The following TMEM132D variants were observed in gnomAD, a reference collection of about 807,000 sequenced individuals.
TMEM132D encodes mature OL transmembrane protein.
TMEM132D carries 21 observed loss-of-function variants against 62.3 expected under a neutral mutation model. That is an observed-to-expected ratio of 0.34 (90% confidence interval 0.24 to 0.49). The LOEUF is 0.49. Ranked by LOEUF, TMEM132D falls within the 20% of genes least tolerant of loss-of-function variation. The pLI is 0.99. For synonymous variants in TMEM132D, 621 were observed against 575.6 expected (o/e 1.08, Z -1.13); for missense variants, 1,346 against 1,402.8 (o/e 0.96, Z 0.65).
intron 3 of TMEM132D, among the ~76,000 whole-genome samples, chr12:129,358,060 T>A (rs1324699474): frequency 6.6e-6 from 1 of 152,228 alleles, no homozygotes; most frequent in Non-Finnish European, 1.5e-5. Flanking sequence ...ATCCTTTTAA[T>A]GTACGTACTT....
chr12:129,612,627 A>AAT (rs139569987), intron 2 of TMEM132D, among the ~76,000 whole-genome samples: 33,157 of 149,802 alleles, frequency 0.22, 4,132 homozygotes, highest in East Asian at 0.41. Context: ...TTCTTTTTAA[A>AAT]ATATATATAT....
intron 2 of TMEM132D, among the ~76,000 whole-genome samples, chr12:129,587,761 A>C (rs1878070913): frequency 6.6e-6 from 1 of 152,366 alleles, no homozygotes; most frequent in East Asian, 1.9e-4. Context: ...TGTCACCACA[A>C]AGTATGACAA....
rs953330763 is a variant in TMEM132D, at chr12:129,371,518, GTGATTATGATGA to G, written c.1116-33713_1116-33702del. On this transcript the variant is annotated intron_variant, in intron 3 of 8. Coordinates refer to ENST00000422113, the MANE Select transcript of TMEM132D (RefSeq NM_133448.3). The surrounding 1 kb of genome is among the most constrained non-coding windows in gnomAD (Gnocchi z 4.3). ...GATGACAGTGGCAATGATAATGGTG[GTGATTATGATGA>G]TGATTATGATGATGATGATGATGAT... 1.3e-5 allele frequency among the ~76,000 whole-genome samples: 2 copies of G among 151,918 alleles called. No individual in the cohort carries two copies. The highest frequency in any genetic ancestry group is 2.4e-5 in the African/African-American group (1 of 41,434).
At chr12:129,454,042 G>A (rs1180699019) in intron 3 of TMEM132D, among the ~76,000 whole-genome samples, 1 of 152,154 alleles carries the variant, frequency 6.6e-6, no homozygotes, top group African/African-American at 2.4e-5. Flanking sequence ...TTCATGTTAT[G>A]GCACCACTTG....
chr12:129,796,655 C>T (rs1871570299), intron 1 of TMEM132D, among the ~76,000 whole-genome samples: 1 of 152,116 alleles, frequency 6.6e-6, no homozygotes, highest in African/African-American at 2.4e-5. Context: ...CGTGCGTTCT[C>T]ACTCATAAGG....
rs1363314421 is a variant in TMEM132D at position 129,244,396 on chromosome 12, A to AC, written c.1300-34734_1300-34733insG. Among the ~76,000 whole-genome samples the AC allele has an allele frequency of 1.6e-3, 145 of 88,606 alleles. 1 individual carries two copies. Among genetic ancestry groups the AC allele is most frequent in the East Asian group, 5.3e-3 (16 of 3,022 alleles). The allele number at this position is 88,606 out of a possible 152,430, so 58.1% of individuals were successfully genotyped here. A position where few individuals can be genotyped will look rare whatever the true frequency, so the allele number is the denominator to read the frequency against. On this transcript the variant is annotated intron_variant, in intron 4 of 8. Transcript: ENST00000422113. Reference sequence around the variant, plus strand: ...GCGAGACTCTGTCTCAAAAAAAAAAAAAAAAAAAAAAAACAAACAAAAAGG... The same window carrying AC: ...GCGAGACTCTGTCTCAAAAAAAAAAACAAAAAAAAAAAAACAAACAAAAAGG...
intron 4 of TMEM132D, chr12:129,210,875 T>C (rs1879023667): frequency 6.6e-6 from 1 of 152,388 alleles, no homozygotes; most frequent in East Asian, 1.9e-4. Context: ...TCGGTGGTGT[T>C]TCCCAGACAT....
chr12:129,875,554 A>G (rs2137380973), intron 1 of TMEM132D, among the ~76,000 whole-genome samples: 1 of 152,224 alleles, frequency 6.6e-6, no homozygotes, highest in Admixed American at 6.5e-5. Flanking sequence ...GTAGGTTCAA[A>G]TTTAACAAAT....
At chr12:129,533,311 G>A (rs556183595) in intron 2 of TMEM132D, among the ~76,000 whole-genome samples, 17 of 152,294 alleles carry the variant, frequency 1.1e-4, no homozygotes, top group African/African-American at 3.8e-4. Flanking sequence ...GACACTGGGC[G>A]AATAGTTAGG....
At chr12:129,561,444 T>C (rs557854288) in intron 2 of TMEM132D, among the ~76,000 whole-genome samples, 1 of 152,332 alleles carries the variant, frequency 6.6e-6, no homozygotes, top group East Asian at 1.9e-4. Flanking sequence ...CTGTTCTTCA[T>C]AGCAGAGGGC....
intron 2 of TMEM132D, among the ~76,000 whole-genome samples, chr12:129,566,203 A>C (rs563587184): frequency 1.3e-5 from 2 of 152,368 alleles, no homozygotes; most frequent in South Asian, 4.1e-4. Context: ...GTGATGTCAA[A>C]AAATAATAAA....
At chr12:129,341,556 C>A (rs1869485775) in intron 3 of TMEM132D, among the ~76,000 whole-genome samples, 1 of 152,142 alleles carries the variant, frequency 6.6e-6, no homozygotes, top group South Asian at 2.1e-4. Flanking sequence ...GGGCAGCATT[C>A]CCAGAAAGTT....
Position 129,558,590 on chromosome 12 carries a change from C to T in TMEM132D, c.969-27385G>A, listed in dbSNP as rs953008731. Among the ~76,000 whole-genome samples, 40 of 152,160 alleles carry T rather than the reference C, an allele frequency of 2.6e-4. 1 individual carries two copies. The highest frequency in any genetic ancestry group is 8.8e-5 in the Non-Finnish European group (6 of 68,042). On this transcript the variant is annotated intron_variant, in intron 2 of 8. Transcript: ENST00000422113. ...ACTTTCTGTCTACCTTCCAAAACCTCATGCCTCTCATTGGCAGACCGTAAC... is the reference window on the plus strand; with the variant it reads ...ACTTTCTGTCTACCTTCCAAAACCTTATGCCTCTCATTGGCAGACCGTAAC...
rs373548874 is a variant in TMEM132D, at chr12:129,464,169, C to A, written c.1115+66890G>T. On this transcript the variant is annotated intron_variant, in intron 3 of 8. Transcript: ENST00000422113. ...CTGACTTTTTAATGATTGCCATTCT[C>A]ACTGGTGTGAGATGGTATCTCATTG... Among the ~76,000 whole-genome samples the A allele has an allele frequency of 4.0e-5, 6 of 151,166 alleles. No homozygotes were observed. The South Asian group carries it at 8.4e-4, about 21-fold the overall frequency.
chr12:129,272,997 A>T lies in TMEM132D; in HGVS notation c.1300-63334T>A, dbSNP rs141920419. On this transcript the variant is annotated intron_variant, in intron 4 of 8. Transcript: ENST00000422113. ...GATCACTTGAGGTCAGGAGTTCAAGACCACCCTGGCCAACACAGTGAAACC... is the reference window on the plus strand; with the variant it reads ...GATCACTTGAGGTCAGGAGTTCAAGTCCACCCTGGCCAACACAGTGAAACC... 4.6e-5 allele frequency among the ~76,000 whole-genome samples: 7 copies of T among 151,908 alleles called. No homozygotes were observed. In the East Asian group the frequency reaches 1.4e-3, roughly 29 times the overall value.
chr12:129,754,247 T>G (rs1376466101), intron 1 of TMEM132D, among the ~76,000 whole-genome samples: 2 of 152,166 alleles, frequency 1.3e-5, no homozygotes, highest in Non-Finnish European at 2.9e-5. Flanking sequence ...CTATCAGATA[T>G]CCAGGTCCAA....
Position 129,903,284 on chromosome 12 carries a change from C to T in TMEM132D, c.56G>A (p.Ser19Asn). The T allele has an allele frequency of 6.4e-7, 1 of 1,554,202 alleles. No individual in the cohort carries two copies. The highest frequency in any genetic ancestry group is 8.7e-7 in the Non-Finnish European group (1 of 1,148,488). ...LWHHWSPVLI[S>N]LAALFSKVTE... The stretch of plus-strand genomic sequence containing the variant: ...ACCTTTGGAAAACAGGGCGGCCAGG[C>T]TGATGAGTACCGGCGACCAGTGGTG... Residue 19 changes from serine (S) to asparagine (N), a missense_variant, in exon 1 of 9, where the codon AGC (serine) becomes AAC (asparagine). Ser to Asn is a conservative substitution (Grantham distance 46). Transcript: ENST00000422113. This position sits in a 1 kb window ranked among gnomAD's most constrained non-coding sequence, Gnocchi z 6.2.
chr12:129,177,661 G>A (rs374811620), intron 5 of TMEM132D, among the ~76,000 whole-genome samples: 100 of 152,214 alleles, frequency 6.6e-4, no homozygotes, highest in African/African-American at 2.1e-3. Context: ...GGGAGGCTGA[G>A]GCGGGAGGAT....
chr12:129,487,418 G>A (rs1874616538), intron 3 of TMEM132D, among the ~76,000 whole-genome samples: 1 of 152,198 alleles, frequency 6.6e-6, no homozygotes, highest in Non-Finnish European at 1.5e-5. Context: ...ATATAAAAAT[G>A]AGAGCAGGAG....
Sources: gnomAD v4.1 joint callset for allele counts (sites outside exome capture counted in the v4.1 genomes callset) on GRCh38, gnomAD v4.1.1 for gene constraint, Gnocchi (gnomAD v3.1) non-coding constraint, MANE v1.5 for transcripts, NCBI Gene and HGNC (gene_info 2026-07-23, HGNC 2026-07-21) for gene names.